Variants in MCM3 observed in about 807,000 individuals in gnomAD.
MCM3 encodes DNA replication licensing factor MCM3.
MCM3 carries 59 observed loss-of-function variants against 91.3 expected under a neutral mutation model. The ratio of observed to expected loss-of-function variants is 0.65; its 90% confidence interval spans 0.52 to 0.80. MCM3 has a LOEUF of 0.80. Ranked by LOEUF, MCM3 falls within the 30% of genes least tolerant of loss-of-function variation. The pLI is 0.00. For synonymous variants in MCM3, 383 were observed against 379.6 expected, an observed-to-expected ratio of 1.01 and a Z score of -0.10; for missense variants, 919 against 1,035.4, an observed-to-expected ratio of 0.89 and a Z score of 1.54.
At chr6:52,264,908 C>T in intron 16 of MCM3, 122 bp from the exon 17 acceptor site, 3 of 782,228 alleles carry the variant, frequency 3.8e-6, no homozygotes, top group Non-Finnish European at 6.4e-6. Flanking sequence ...TATTCTTTCT[C>T]ACACACACAT....
intron 6 of MCM3, among the ~76,000 whole-genome samples, chr6:52,278,204 C>T (rs1765763483): frequency 6.6e-6 from 1 of 151,416 alleles, no homozygotes; most frequent in Non-Finnish European, 1.5e-5. Flanking sequence ...AGGCACAGAG[C>T]AGCCTGGATT....
Position 52,264,686 on chromosome 6 carries a change from C to T in MCM3, c.2329G>A (p.Glu777Lys), listed in dbSNP as rs2230240. 375,703 of 1,613,994 alleles carry T rather than the reference C, an allele frequency of 0.23. 47,809 individuals carry two copies. The highest frequency in any genetic ancestry group is 0.27 in the Middle Eastern group (1,635 of 6,060). Residue 777 changes from glutamate (E) to lysine (K), a missense_variant, in exon 17 of 17, where the codon GAA (glutamate) becomes AAA (lysine). Transcript: ENST00000596288. ...ATCTCAACTGAAGAGAAGGGCTCTT[C>T]GCTGTCCCGGTTGATGGATTCTGTG... is the stretch of plus-strand genomic sequence containing the variant. ...RLTESINRDS[E>K]EPFSSVEIQA...
In MCM3 at chr6:52,268,741, C is replaced by T. The variant is rs979094122; in HGVS notation, c.1968+345G>A. On this transcript the variant is annotated intron_variant, in intron 13 of 16. Coordinates refer to ENST00000596288, the MANE Select transcript of MCM3 (RefSeq NM_002388.6). ...GGTAGAGTGGGACAAGGAAGATTAC[C>T]AAGGTAGCTCTTTTGAAAACACCTA... Among the ~76,000 whole-genome samples, 3 of 152,198 alleles carry T rather than the reference C, an allele frequency of 2.0e-5. No individual in the cohort carries two copies. The South Asian group carries it at 6.2e-4, about 32-fold the overall frequency.
intron 16 of MCM3, among the ~76,000 whole-genome samples, chr6:52,265,057 TTAC>T (rs1470427890): frequency 6.6e-6 from 1 of 152,188 alleles, no homozygotes. Context: ...TTAACAGCAC[TTAC>T]TAAACCCTTA....
intron 4 of MCM3, among the ~76,000 whole-genome samples, chr6:52,280,220 C>T (rs544579966): frequency 6.6e-6 from 1 of 152,220 alleles, no homozygotes; most frequent in Non-Finnish European, 1.5e-5. Context: ...AGAGGGACTT[C>T]TGTGTGCTAA....
chr6:52,265,627 C>T (rs983393222), intron 16 of MCM3, among the ~76,000 whole-genome samples: 3 of 151,470 alleles, frequency 2.0e-5, no homozygotes, highest in African/African-American at 7.3e-5. Flanking sequence ...AAAGAAAAAA[C>T]GTAAAACTTG....
chr6:52,265,820 A>G (rs562007808), intron 16 of MCM3, among the ~76,000 whole-genome samples: 25 of 152,332 alleles, frequency 1.6e-4, no homozygotes, highest in Non-Finnish European at 3.1e-4. Flanking sequence ...CTTCTCTCTC[A>G]GAAAGAGAGA....
intron 16 of MCM3, chr6:52,265,208 T>A (rs550551125): frequency 6.9e-5 from 25 of 363,692 alleles, no homozygotes; most frequent in South Asian, 4.9e-4. Context: ...CATCAGAGAA[T>A]TTCATTAAAT....
chr6:52,271,701 A>G (rs558643350), intron 12 of MCM3, among the ~76,000 whole-genome samples: 3 of 152,314 alleles, frequency 2.0e-5, no homozygotes, highest in Non-Finnish European at 2.9e-5. Flanking sequence ...ATGGACACCT[A>G]TATTAGGTTA....
chr6:52,280,652 G>A lies in MCM3; in HGVS notation c.532-1053C>T, dbSNP rs576753244. ...TGTATTTCACTTTTCAAGTAAAGAA[G>A]CTTGGCCACAGTAATCAACAGAAGA... On this transcript the variant is annotated intron_variant, in intron 4 of 16. Transcript: ENST00000596288. 5.3e-5 allele frequency among the ~76,000 whole-genome samples: 8 copies of A among 152,238 alleles called. No homozygotes were observed. In the South Asian group the frequency reaches 1.7e-3, roughly 31 times the overall value.
At chr6:52,282,577 G>T in intron 3 of MCM3, 76 bp downstream of exon 3, 2 of 1,404,826 alleles carry the variant, frequency 1.4e-6, no homozygotes, top group Admixed American at 1.8e-5. Context: ...AAGCTACCCA[G>T]ATCTACTTTG....
chr6:52,265,151 A>C (rs1402483501), intron 16 of MCM3: 2 of 338,334 alleles, frequency 5.9e-6, no homozygotes, highest in Admixed American at 8.7e-5. Context: ...CACACTGATA[A>C]ATTTAATACT....
rs768524376 is a variant in MCM3, at chr6:52,276,930, T to C, written c.1165+137A>G. 12 of 962,252 alleles carry C rather than the reference T, an allele frequency of 1.2e-5. No homozygotes were observed. The Admixed American group carries it at 1.5e-4, about 12-fold the overall frequency. The allele number at this position is 962,252 out of a possible 1,614,324, so 59.6% of individuals were successfully genotyped here. A position where few individuals can be genotyped will look rare whatever the true frequency, so the allele number is the denominator to read the frequency against. On this transcript the variant is annotated intron_variant, in intron 8 of 16. Coordinates refer to ENST00000596288, the MANE Select transcript of MCM3 (RefSeq NM_002388.6). ...AAAGACTTAAATAATTCACCCACCA[T>C]TGCTGAATACTCAGTCCTCTATAAT...
At chr6:52,266,519 G>C (rs919054142) in intron 15 of MCM3, 92 bp downstream of exon 15, 2 of 1,145,352 alleles carry the variant, frequency 1.7e-6, no homozygotes, top group Admixed American at 1.8e-5. Flanking sequence ...CAAACAAACA[G>C]GAGTCCACAA....
At chr6:52,267,093 C>G (rs1331193411) in intron 14 of MCM3, among the ~76,000 whole-genome samples, 1 of 78,442 alleles carries the variant, frequency 1.3e-5, no homozygotes, top group Non-Finnish European at 3.0e-5. Context: ...CCCAGGGTAT[C>G]TTCTTTTTTT....
At chr6:52,281,577 G>A (rs1015644393) in intron 4 of MCM3, among the ~76,000 whole-genome samples, 2 of 152,174 alleles carry the variant, frequency 1.3e-5, no homozygotes, top group African/African-American at 4.8e-5. Flanking sequence ...GTACTCAGGA[G>A]GCTAAGGTGA....
At chr6:52,283,184 G>A (rs1766292749) in intron 2 of MCM3, 110 bp downstream of exon 2, 27 of 852,808 alleles carry the variant, frequency 3.2e-5, no homozygotes, top group Admixed American at 4.8e-5. Flanking sequence ...ACGAGGGCTT[G>A]TAGATCAATC....
In MCM3 at chr6:52,284,676, C is replaced by G; in HGVS notation, c.-2G>C. ...GTCCAGCACCACGGTACCCGCCATGCCCGCTGCCAAAGAACTACCTCCACC... is the reference window on the plus strand; with the variant it reads ...GTCCAGCACCACGGTACCCGCCATGGCCGCTGCCAAAGAACTACCTCCACC... On this transcript the variant is annotated 5_prime_UTR_variant, in exon 1 of 17. Transcript: ENST00000596288. The G allele has an allele frequency of 6.2e-7, 1 of 1,606,334 alleles. No individual in the cohort carries two copies. The highest frequency in any genetic ancestry group is 8.5e-7 in the Non-Finnish European group (1 of 1,177,012).
Position 52,282,120 on chromosome 6 carries a change from C to T in MCM3, c.456G>A (p.Lys152=). 2.5e-6 allele frequency: 4 copies of T among 1,614,032 alleles called. No homozygotes were observed. The highest frequency in any genetic ancestry group is 3.4e-6 in the Non-Finnish European group (4 of 1,179,958). The change falls in exon 4 of 17, where the codon AAG becomes AAA. Residue 152 remains lysine, a synonymous_variant. Coordinates refer to ENST00000596288, the MANE Select transcript of MCM3 (RefSeq NM_002388.6). ...CAGAATAACGTCGCTCTATGGTCTT[C>T]TTAGTAGCAGGACAGTAGTGGACAC... ...VRSVHYCPAT[K]KTIERRYSDL...
Sources: allele counts gnomAD v4.1 joint callset (sites outside exome capture counted in the v4.1 genomes callset), GRCh38; gene constraint gnomAD v4.1.1; transcripts MANE v1.5; gene names NCBI Gene and HGNC (gene_info 2026-07-23, HGNC 2026-07-21).